The following BAZ2B variants were observed in gnomAD, a reference collection of about 807,000 sequenced individuals.
BAZ2B encodes the protein bromodomain adjacent to zinc finger domain 2B, also known as bromodomain adjacent to zinc finger domain protein 2B.
BAZ2B carries 91 observed loss-of-function variants against 246.0 expected under a neutral mutation model. That is an observed-to-expected ratio of 0.37 (90% CI 0.31 to 0.44). BAZ2B has a LOEUF of 0.44. Ranked by LOEUF, BAZ2B falls within the 20% of genes least tolerant of loss-of-function variation. The probability of loss-of-function intolerance (pLI) is 1.00; values close to 1 mark genes in which losing one functional copy is unlikely to be tolerated. For missense variants in BAZ2B, 2,332 were observed against 2,533.7 expected, an observed-to-expected ratio of 0.92 and a Z score of 1.71; for synonymous variants, 855 against 860.0, an observed-to-expected ratio of 0.99 and a Z score of 0.10.
At chr2:159,511,792 T>C (rs1224860876) in intron 2 of BAZ2B, among the ~76,000 whole-genome samples, 1 of 152,180 alleles carries the variant, frequency 6.6e-6, no homozygotes, top group Non-Finnish European at 1.5e-5. Flanking sequence ...ATTACATAGA[T>C]AACTTAGTTA....
chr2:159,545,449 G>T (rs1486935687), intron 2 of BAZ2B, among the ~76,000 whole-genome samples: 2 of 152,088 alleles, frequency 1.3e-5, no homozygotes, highest in Non-Finnish European at 2.9e-5. Flanking sequence ...AATCCTAGGA[G>T]ATATTTAATT....
intron 19 of BAZ2B, chr2:159,397,020 T>A (rs941693301): frequency 1.6e-4 from 212 of 1,299,994 alleles, no homozygotes; most frequent in Non-Finnish European, 2.0e-4. Context: ...GACAACCATA[T>A]CACAACCAAA....
At chr2:159,663,807 G>A in the BAZ2B span, among the ~76,000 whole-genome samples, 68,165 of 149,396 alleles carry the variant, frequency 0.46, 16,434 homozygotes, top group Middle Eastern at 0.63. Context: ...GTGAGCCACC[G>A]GGCCCGGCTG....
At position 159,496,360 on chromosome 2, in the gene BAZ2B, G is replaced by T. The variant is rs192799703; in HGVS notation, c.-2-17639C>A. Among the ~76,000 whole-genome samples the T allele has an allele frequency of 2.9e-3, 325 of 112,694 alleles. 1 individual carries two copies. Among genetic ancestry groups the T allele is most frequent in the Middle Eastern group, 7.7e-3 (1 of 130 alleles). 73.9% of individuals were successfully genotyped at this position (112,694 alleles called of 152,430 possible). ...CACTGCACTCTCCAGCCTGGTGATA[G>T]AGCAAGACTCCATCTAAAAAAAAAA... On this transcript the variant is annotated intron_variant, in intron 2 of 36. Coordinates refer to ENST00000392783, the MANE Select transcript of BAZ2B (RefSeq NM_013450.4).
chr2:159,684,177 C>A, the BAZ2B span, among the ~76,000 whole-genome samples: 1 of 152,204 alleles, frequency 6.6e-6, no homozygotes, highest in Non-Finnish European at 1.5e-5. Context: ...CTGAATAATT[C>A]CACTGCATGG....
intron 36 of BAZ2B, among the ~76,000 whole-genome samples, chr2:159,323,630 CT>C (rs2063028078): frequency 6.6e-6 from 1 of 151,920 alleles, no homozygotes; most frequent in African/African-American, 2.4e-5. Context: ...TGGTGAAACC[CT>C]GTTTATACTA....
In BAZ2B at chr2:159,320,431, A is replaced by AC. The variant is rs2062569607; in HGVS notation, c.6354-14_6354-13insG. 2 of 1,550,844 alleles carry AC rather than the reference A, an allele frequency of 1.3e-6. No individual in the cohort carries two copies. Among genetic ancestry groups the AC allele is most frequent in the Non-Finnish European group, 1.7e-6 (2 of 1,157,196 alleles). On this transcript the variant is annotated splice_polypyrimidine_tract_variant and intron_variant, in intron 36 of 36. Transcript: ENST00000392783. ...AAGGTTTGGATACCTGAAAGAAAACAAATAATTAGAGATTGCGTTCATAGA... is the reference window on the plus strand; with the variant it reads ...AAGGTTTGGATACCTGAAAGAAAACACAATAATTAGAGATTGCGTTCATAGA...
chr2:159,414,166 A>G (rs887623034), intron 13 of BAZ2B, among the ~76,000 whole-genome samples: 2 of 152,212 alleles, frequency 1.3e-5, no homozygotes, highest in African/African-American at 4.8e-5. Context: ...CTGGCCCAGA[A>G]AGGTAAGTTT....
chr2:159,682,124 A>C, the BAZ2B span, among the ~76,000 whole-genome samples: 1 of 151,062 alleles, frequency 6.6e-6, no homozygotes, highest in Non-Finnish European at 1.5e-5. Flanking sequence ...GACTGGGGCC[A>C]GGGTAATAAA....
chr2:159,477,141 T>C (rs1026284180), intron 3 of BAZ2B, among the ~76,000 whole-genome samples: 5 of 151,932 alleles, frequency 3.3e-5, no homozygotes, highest in Non-Finnish European at 7.4e-5. Context: ...CCGTCTCTAC[T>C]AAAAATACAA....
intron 2 of BAZ2B, among the ~76,000 whole-genome samples, chr2:159,549,991 T>C (rs2087945209): frequency 6.6e-6 from 1 of 152,012 alleles, no homozygotes; most frequent in Non-Finnish European, 1.5e-5. Context: ...GCCTGGCGAA[T>C]TTTTGTATTT....
the BAZ2B span, among the ~76,000 whole-genome samples, chr2:159,647,820 G>C: frequency 1.3e-5 from 2 of 152,338 alleles, 1 homozygote; most frequent in East Asian, 3.9e-4. Flanking sequence ...TGTGTGGACT[G>C]AAGAGCTAGC....
At chr2:159,350,388 G>A (rs1196477110) in intron 27 of BAZ2B, 31 bp from the exon 28 acceptor site, 1 of 1,452,398 alleles carries the variant, frequency 6.9e-7, no homozygotes, top group East Asian at 2.3e-5. Flanking sequence ...ATGAACATCA[G>A]TTACTCCAGA....
chr2:159,588,556 T>C (rs1217077702), intron 1 of BAZ2B, among the ~76,000 whole-genome samples: 4 of 152,192 alleles, frequency 2.6e-5, no homozygotes, highest in Admixed American at 2.0e-4. Context: ...CCATAGTCCA[T>C]TATTTCCCCA....
chr2:159,342,146 T>C (rs563133136), intron 31 of BAZ2B, among the ~76,000 whole-genome samples: 2 of 152,146 alleles, frequency 1.3e-5, no homozygotes, highest in South Asian at 4.2e-4. Flanking sequence ...TACATGGAAA[T>C]TGCATCACAC....
At chr2:159,451,364 C>T (rs534619343) in intron 4 of BAZ2B, among the ~76,000 whole-genome samples, 11 of 152,196 alleles carry the variant, frequency 7.2e-5, no homozygotes, top group African/African-American at 2.6e-4. Flanking sequence ...TTAAAAACTC[C>T]TAGTAATATC....
intron 13 of BAZ2B, among the ~76,000 whole-genome samples, chr2:159,414,516 G>GT (rs2067326137): frequency 6.6e-6 from 1 of 152,112 alleles, no homozygotes; most frequent in Non-Finnish European, 1.5e-5. Flanking sequence ...CTGTATGCCT[G>GT]TATCAAAATA....
chr2:159,433,936 T>C (rs1418903315), intron 8 of BAZ2B: 1 of 152,698 alleles, frequency 6.5e-6, no homozygotes, highest in Non-Finnish European at 1.5e-5. Context: ...CTACCTTAAA[T>C]GTACTGAAAA....
In BAZ2B at chr2:159,405,054, G is replaced by A. The variant is rs200551916; in HGVS notation, c.2738C>T (p.Ala913Val). The change falls in exon 15 of 37, where the codon GCT becomes GTT. Residue 913 changes from alanine to valine, a missense_variant. Ala to Val is a moderately conservative substitution (Grantham distance 64, BLOSUM62 0). This residue lies in a region of BAZ2B where 651 missense variants were observed against 650.9 expected (regional missense o/e 1.00). Coordinates refer to ENST00000392783, the MANE Select transcript of BAZ2B (RefSeq NM_013450.4). ...TTTTTTGGCTTCTTTAGCAACCCGA[G>A]CCTGTTCCTGCTTTTGAAGTTTTCT... The part of the protein sequence containing the change: ...LLRKLQKQEQ[A>V]RVAKEAKKQQ... 1,214 of 1,614,046 alleles carry A rather than the reference G, an allele frequency of 7.5e-4. 1 individual carries two copies. Among genetic ancestry groups the A allele is most frequent in the Non-Finnish European group, 9.6e-4 (1,134 of 1,179,976 alleles).
Sources: allele counts gnomAD v4.1 joint callset (sites outside exome capture counted in the v4.1 genomes callset), GRCh38; gene constraint gnomAD v4.1.1; regional missense constraint gnomAD v4.1.1; transcripts MANE v1.5; gene names NCBI Gene and HGNC (gene_info 2026-07-23, HGNC 2026-07-21).